Variants in UGT1A8 observed in about 807,000 individuals in gnomAD.
The protein encoded by UGT1A8 is UDP glucuronosyltransferase family 1 member A8, also known as UDP-glucuronosyltransferase 1A8.
Under a neutral mutation model 45.3 loss-of-function variants are expected in UGT1A8, and 39 were observed. The observed-to-expected ratio is 0.86, with a 90% CI of 0.67 to 1.12. The LOEUF is 1.12. UGT1A8 is among the 50% of genes most tolerant of loss of function. UGT1A8 has a pLI of 0.00. For synonymous variants in UGT1A8, 275 were observed against 249.2 expected (o/e 1.10, Z -0.97); for missense variants, 719 against 664.9 (o/e 1.08, Z -0.90).
At chr2:233,764,417 G>A (rs986717948) in intron 1 of UGT1A8, among the ~76,000 whole-genome samples, 1 of 152,168 alleles carries the variant, frequency 6.6e-6, no homozygotes, top group African/African-American at 2.4e-5. Context: ...TTTGCCCTGC[G>A]TGAATCTCCA....
intron 1 of UGT1A8, chr2:233,690,479 G>A (rs1407295100): frequency 5.4e-6 from 7 of 1,288,496 alleles, no homozygotes; most frequent in Non-Finnish European, 7.1e-6. Context: ...TTTACTTTTT[G>A]GGAAATCTGC....
At chr2:233,693,818 G>A (rs766165182) in intron 1 of UGT1A8, 1 of 1,614,200 alleles carries the variant, frequency 6.2e-7, no homozygotes, top group East Asian at 2.2e-5. Context: ...GCCCAACATG[G>A]TCTTCATTGG....
intron 1 of UGT1A8, among the ~76,000 whole-genome samples, chr2:233,684,767 A>T (rs1046318119): frequency 2.6e-5 from 4 of 152,184 alleles, no homozygotes; most frequent in African/African-American, 9.6e-5. Flanking sequence ...TCAGATCATA[A>T]AGAGTGCCCT....
intron 1 of UGT1A8, among the ~76,000 whole-genome samples, chr2:233,757,287 C>A (rs1434964623): frequency 1.2e-4 from 14 of 112,536 alleles, no homozygotes; most frequent in Non-Finnish European, 2.2e-4. Context: ...TCAGAAGGGA[C>A]AGCTGGGGGT....
At chr2:233,764,549 G>A (rs1698590691) in intron 1 of UGT1A8, among the ~76,000 whole-genome samples, 1 of 152,222 alleles carries the variant, frequency 6.6e-6, no homozygotes, top group Non-Finnish European at 1.5e-5. Flanking sequence ...GGGCGTGTGG[G>A]AGGGTGTGCC....
At chr2:233,673,902 C>T (rs2125504789) in intron 1 of UGT1A8, among the ~76,000 whole-genome samples, 1 of 152,212 alleles carries the variant, frequency 6.6e-6, no homozygotes, top group South Asian at 2.1e-4. Context: ...ACTTATTTTG[C>T]TTTGCTGGAG....
intron 1 of UGT1A8, among the ~76,000 whole-genome samples, chr2:233,669,318 A>G (rs1165332779): frequency 6.6e-6 from 1 of 152,024 alleles, no homozygotes; most frequent in Admixed American, 6.6e-5. Context: ...TTCCCTATGA[A>G]TTTTAGAATC....
chr2:233,729,669 C>A (rs1433524187), intron 1 of UGT1A8: 1 of 1,613,792 alleles, frequency 6.2e-7, no homozygotes, highest in African/African-American at 1.3e-5. Context: ...GTGATTTAGA[C>A]TTTAAGGGCA....
chr2:233,717,481 G>A (rs914906580), intron 1 of UGT1A8, among the ~76,000 whole-genome samples: 2 of 152,216 alleles, frequency 1.3e-5, no homozygotes, highest in Admixed American at 6.5e-5. Flanking sequence ...TCCAAAGGTG[G>A]AATCTGTTAT....
rs1047777533 is a variant in UGT1A8 at position 233,760,225 on chromosome 2, G to T, written c.856-6809G>T. ...AAACATTAACTTGGTGTATCGATTG[G>T]TTTTTGCCATATATATATATATAAG... On this transcript the variant is annotated intron_variant, in intron 1 of 4. Coordinates refer to ENST00000373450, the MANE Select transcript of UGT1A8 (RefSeq NM_019076.5). 3.2e-6 allele frequency: 5 copies of T among 1,585,120 alleles called. No individual in the cohort carries two copies. The African/African-American group carries it at 4.5e-5, about 14-fold the overall frequency.
At chr2:233,718,697 C>G in intron 1 of UGT1A8, 1 of 1,595,942 alleles carries the variant, frequency 6.3e-7, no homozygotes, top group Non-Finnish European at 8.5e-7. Flanking sequence ...GAGGAGGGCA[C>G]TTTGTCTTCC....
intron 1 of UGT1A8, chr2:233,681,906 C>A (rs1352844519): frequency 4.4e-6 from 7 of 1,596,542 alleles, no homozygotes; most frequent in Non-Finnish European, 6.0e-6. Flanking sequence ...AGCTTAGAAT[C>A]CCAGCTGCTG....
chr2:233,763,369 C>A (rs1698291426), intron 1 of UGT1A8, among the ~76,000 whole-genome samples: 1 of 152,194 alleles, frequency 6.6e-6, no homozygotes. Flanking sequence ...CCTTTGTCTT[C>A]AAGCTTTCTT....
At chr2:233,625,775 A>G (rs948490891) in intron 1 of UGT1A8, among the ~76,000 whole-genome samples, 12 of 151,788 alleles carry the variant, frequency 7.9e-5, no homozygotes, top group African/African-American at 2.9e-4. Flanking sequence ...AACAATAGAC[A>G]CTATGGACTA....
chr2:233,627,923 T>C lies in UGT1A8; in HGVS notation c.855+9361T>C, dbSNP rs193193551. 4.6e-5 allele frequency among the ~76,000 whole-genome samples: 7 copies of C among 152,104 alleles called. No homozygotes were observed. In the East Asian group the frequency reaches 1.4e-3, roughly 29 times the overall value. ...CATGATGAAAAATACAGTAGAGCCA[T>C]GAGAGATCACTTTTTACTCTGACAT... On this transcript the variant is annotated intron_variant, in intron 1 of 4. Coordinates refer to ENST00000373450, the MANE Select transcript of UGT1A8 (RefSeq NM_019076.5).
rs28900403 is a variant in UGT1A8 at position 233,768,158 on chromosome 2, A to G, written c.1076-62A>G. 1.0e-3 allele frequency: 1,655 copies of G among 1,613,190 alleles called. 19 individuals are homozygous for G. The African/African-American group carries it at 0.019, about 19-fold the overall frequency. On this transcript the variant is annotated intron_variant, in intron 3 of 4. Transcript: ENST00000373450. ...TCTTTGGAGTGTTTTCAGAACCTAG[A>G]TGTGTCCAGCTGTGAAACTCAGAGA...
intron 1 of UGT1A8, among the ~76,000 whole-genome samples, chr2:233,700,907 G>T (rs985233948): frequency 6.6e-6 from 1 of 151,214 alleles, no homozygotes; most frequent in South Asian, 2.1e-4. Flanking sequence ...GGTGTGTGAC[G>T]TTCCTCTTCC....
At chr2:233,670,222 G>C (rs2074154403) in intron 1 of UGT1A8, among the ~76,000 whole-genome samples, 1 of 152,198 alleles carries the variant, frequency 6.6e-6, no homozygotes, top group African/African-American at 2.4e-5. Flanking sequence ...TCTTCCTCTT[G>C]ATTGTCCTCC....
intron 1 of UGT1A8, among the ~76,000 whole-genome samples, chr2:233,732,898 G>C (rs1347576081): frequency 6.6e-6 from 1 of 151,914 alleles, no homozygotes; most frequent in Non-Finnish European, 1.5e-5. Flanking sequence ...AATTACCTTG[G>C]GCAGTATGGC....
Sources: gnomAD v4.1 joint callset for allele counts (sites outside exome capture counted in the v4.1 genomes callset) on GRCh38, gnomAD v4.1.1 for gene constraint, MANE v1.5 for transcripts, NCBI Gene and HGNC (gene_info 2026-07-23, HGNC 2026-07-21) for gene names.